Variants in MEIS1 observed in about 807,000 individuals in gnomAD.
MEIS1 encodes Meis homeobox 1, also known as homeobox protein Meis1.
MEIS1 carries 5 observed loss-of-function variants against 50.8 expected under a neutral mutation model. That is an observed-to-expected ratio of 0.10 (90% CI 0.05 to 0.21). MEIS1 has a LOEUF of 0.21. MEIS1 is among the 10% of genes least tolerant of loss of function. The pLI is 1.00. For synonymous variants in MEIS1, 176 were observed against 179.3 expected (o/e 0.98, Z 0.15); for missense variants, 318 against 517.3 (o/e 0.61, Z 3.74).
chr2:66,440,070 C>CGA, intron 3 of MEIS1, 86 bp downstream of exon 3: 5 of 812,144 alleles, frequency 6.2e-6, no homozygotes, highest in Admixed American at 6.8e-5. Context: ...CGCGCGCGAA[C>CGA]ACACACACAC....
chr2:66,464,102 C>T lies in MEIS1; in HGVS notation c.631-7C>T, dbSNP rs994030622. 1.3e-5 allele frequency: 21 copies of T among 1,583,902 alleles called. No homozygotes were observed. The highest frequency in any genetic ancestry group is 4.0e-5 in the African/African-American group (3 of 74,260). ...CTTATTTGGGTTTCTGATTTGTGCC[C>T]CCACAGCCCTCTTGGAACAGAGATC... On this transcript the variant is annotated splice_polypyrimidine_tract_variant and splice_region_variant and intron_variant, in intron 6 of 12. Transcript: ENST00000272369.
intron 8 of MEIS1, among the ~76,000 whole-genome samples, chr2:66,525,985 C>T (rs1384516161): frequency 1.3e-5 from 2 of 152,210 alleles, no homozygotes; most frequent in Non-Finnish European, 2.9e-5. Context: ...GGGAGAACTG[C>T]GTTTGTGCCT....
chr2:66,478,097 G>A (rs1455454397), intron 7 of MEIS1, among the ~76,000 whole-genome samples: 1 of 152,088 alleles, frequency 6.6e-6, no homozygotes, highest in Non-Finnish European at 1.5e-5. Flanking sequence ...AGAATTTCTT[G>A]TTTTGTTTTT....
At chr2:66,509,065 C>A (rs1252869977) in intron 7 of MEIS1, 2 of 471,574 alleles carry the variant, frequency 4.2e-6, no homozygotes, top group Non-Finnish European at 8.8e-6. Context: ...GAAAGAAATT[C>A]TCGAGAGACC....
intron 7 of MEIS1, among the ~76,000 whole-genome samples, chr2:66,464,968 C>T (rs567801311): frequency 1.3e-5 from 2 of 152,244 alleles, no homozygotes; most frequent in South Asian, 4.1e-4. Flanking sequence ...TTTTGTGTTC[C>T]ATTAATGCAA....
chr2:66,474,145 A>G (rs1672833946), intron 7 of MEIS1, among the ~76,000 whole-genome samples: 2 of 152,150 alleles, frequency 1.3e-5, no homozygotes, highest in South Asian at 2.1e-4. Context: ...TGGATGTAGA[A>G]CACATGCATA....
chr2:66,568,512 GT>G, intron 10 of MEIS1, 154 bp from the exon 11 acceptor site: 1 of 568,010 alleles, frequency 1.8e-6, no homozygotes, highest in Non-Finnish European at 3.2e-6. Flanking sequence ...TGTAGATCTA[GT>G]CTGAGAGAAA....
intron 6 of MEIS1, among the ~76,000 whole-genome samples, chr2:66,456,559 A>G (rs1672394058): frequency 6.6e-6 from 1 of 152,198 alleles, no homozygotes; most frequent in South Asian, 2.1e-4. Context: ...CTAATTTACC[A>G]TCTGCCCTGA....
intron 7 of MEIS1, among the ~76,000 whole-genome samples, chr2:66,475,210 A>G (rs1189694573): frequency 9.1e-6 from 1 of 110,174 alleles, no homozygotes; most frequent in East Asian, 2.2e-4. Flanking sequence ...ACCTATATAA[A>G]TAAATATGTA....
At chr2:66,477,110 G>A (rs114641533) in intron 7 of MEIS1, among the ~76,000 whole-genome samples, 3,142 of 152,290 alleles carry the variant, frequency 0.021, 41 homozygotes, top group Middle Eastern at 0.075. Flanking sequence ...TTAGCAGGCA[G>A]TAGGGAGTCA....
intron 8 of MEIS1, among the ~76,000 whole-genome samples, chr2:66,537,610 C>A (rs563997628): frequency 2.0e-5 from 3 of 152,280 alleles, no homozygotes; most frequent in African/African-American, 4.8e-5. Flanking sequence ...TTCTAACTTA[C>A]GGATACTTTA....
intron 7 of MEIS1, 61 bp from the exon 8 acceptor site, chr2:66,512,088 T>C: frequency 1.4e-6 from 2 of 1,472,638 alleles, no homozygotes; most frequent in South Asian, 1.5e-5. Context: ...CCAAAGGCAT[T>C]CTATTTGAAT....
chr2:66,486,483 C>T (rs1260979445), intron 7 of MEIS1, among the ~76,000 whole-genome samples: 1 of 152,146 alleles, frequency 6.6e-6, no homozygotes, highest in Non-Finnish European at 1.5e-5. Context: ...CAGTACCATG[C>T]TGTTTTGGTT....
At chr2:66,460,887 A>T (rs1672502325) in intron 6 of MEIS1, among the ~76,000 whole-genome samples, 1 of 152,122 alleles carries the variant, frequency 6.6e-6, no homozygotes, top group South Asian at 2.1e-4. Flanking sequence ...CTTTGGGAAA[A>T]ATATGCAAGT....
At chr2:66,457,857 G>A (rs543671384) in intron 6 of MEIS1, among the ~76,000 whole-genome samples, 178 of 152,346 alleles carry the variant, frequency 1.2e-3, no homozygotes, top group African/African-American at 4.2e-3. Context: ...TCTCCATGCG[G>A]ACCTGGAGAC....
intron 7 of MEIS1, among the ~76,000 whole-genome samples, chr2:66,477,150 G>A (rs1211860434): frequency 2.0e-5 from 3 of 152,192 alleles, no homozygotes; most frequent in African/African-American, 7.2e-5. Context: ...GGCGTGGTTG[G>A]ATGGAAGTGA....
At chr2:66,456,702 G>T (rs1362398469) in intron 6 of MEIS1, among the ~76,000 whole-genome samples, 1 of 152,234 alleles carries the variant, frequency 6.6e-6, no homozygotes, top group Non-Finnish European at 1.5e-5. Context: ...TGAGGGAGGG[G>T]CAGAGAAGGA....
intron 10 of MEIS1, 122 bp downstream of exon 10, chr2:66,567,633 A>G (rs1163230098): frequency 1.2e-6 from 1 of 850,456 alleles, no homozygotes; most frequent in Non-Finnish European, 2.0e-6. Context: ...CCTGGCAATT[A>G]AAATTAAACC....
At chr2:66,468,264 T>C (rs1439723444) in intron 7 of MEIS1, among the ~76,000 whole-genome samples, 1 of 152,078 alleles carries the variant, frequency 6.6e-6, no homozygotes, top group Non-Finnish European at 1.5e-5. Flanking sequence ...ACTGTGTGTT[T>C]TGGAGTGGGA....
Sources: gnomAD v4.1 joint callset for allele counts (sites outside exome capture counted in the v4.1 genomes callset) on GRCh38, gnomAD v4.1.1 for gene constraint, MANE v1.5 for transcripts, NCBI Gene and HGNC (gene_info 2026-07-23, HGNC 2026-07-21) for gene names.